Variants in ARK2C observed in about 807,000 individuals in gnomAD.
The protein encoded by ARK2C is E3 ubiquitin-protein ligase ARK2C.
the ARK2C span, chr18:46,337,307 C>T: frequency 4.1e-5 from 40 of 985,168 alleles, no homozygotes; most frequent in African/African-American, 1.0e-4. Context: ...GAATTACTTC[C>T]TGTTCTTATT....
chr18:46,400,343 C>T, the ARK2C span, among the ~76,000 whole-genome samples: 29 of 152,264 alleles, frequency 1.9e-4, no homozygotes, highest in Admixed American at 3.9e-4. Flanking sequence ...CTGTGTTCCC[C>T]GGAACAGGGA....
the ARK2C span, among the ~76,000 whole-genome samples, chr18:46,343,445 T>C: frequency 2.0e-5 from 3 of 152,168 alleles, no homozygotes; most frequent in East Asian, 5.8e-4. Context: ...CATGAAGTAA[T>C]GCATAGGAAA....
chr18:46,341,953 C>T, the ARK2C span, among the ~76,000 whole-genome samples: 6 of 152,230 alleles, frequency 3.9e-5, no homozygotes, highest in South Asian at 4.1e-4. Context: ...GCAGGGGGAA[C>T]GGGAGGGAGC....
chr18:46,433,116 GGGT>G, the ARK2C span: 1 of 1,187,018 alleles, frequency 8.4e-7, no homozygotes, highest in South Asian at 1.6e-5. Flanking sequence ...AGGCTGCCCC[GGGT>G]GGGCACAAGG....
the ARK2C span, among the ~76,000 whole-genome samples, chr18:46,384,479 C>T: frequency 6.6e-6 from 1 of 152,154 alleles, no homozygotes; most frequent in Admixed American, 6.5e-5. Context: ...ACTTTCTTTC[C>T]TCCCCTGAAT....
At chr18:46,425,043 G>A in the ARK2C span, among the ~76,000 whole-genome samples, 2 of 152,216 alleles carry the variant, frequency 1.3e-5, no homozygotes, top group Non-Finnish European at 2.9e-5. Context: ...TGGTGCCTTT[G>A]GAGAGGGAGT....
chr18:46,377,420 C>G, the ARK2C span, among the ~76,000 whole-genome samples: 1 of 152,132 alleles, frequency 6.6e-6, no homozygotes, highest in Non-Finnish European at 1.5e-5. Flanking sequence ...AAAGCAGTAA[C>G]AGCTCCCTAA....
At chr18:46,361,340 A>G in the ARK2C span, among the ~76,000 whole-genome samples, 5 of 152,206 alleles carry the variant, frequency 3.3e-5, no homozygotes, top group African/African-American at 7.2e-5. Flanking sequence ...TTACTTCCAT[A>G]TGTTTATAAT....
the ARK2C span, among the ~76,000 whole-genome samples, chr18:46,352,382 G>A: frequency 6.6e-6 from 1 of 152,334 alleles, no homozygotes; most frequent in East Asian, 1.9e-4. Context: ...ATGTGGACCA[G>A]AGCTCCCAAA....
chr18:46,443,518 A>G, the ARK2C span, among the ~76,000 whole-genome samples: 1 of 152,172 alleles, frequency 6.6e-6, no homozygotes, highest in African/African-American at 2.4e-5. Flanking sequence ...ATACATTGTT[A>G]TCATTTTTGC....
the ARK2C span, among the ~76,000 whole-genome samples, chr18:46,383,456 G>A: frequency 6.6e-6 from 1 of 151,490 alleles, no homozygotes; most frequent in Non-Finnish European, 1.5e-5. Flanking sequence ...TTAGACACAA[G>A]ACTAGTTAAT....
the ARK2C span, chr18:46,337,556 T>G: frequency 1.0e-6 from 1 of 985,412 alleles, no homozygotes; most frequent in Non-Finnish European, 1.2e-6. Context: ...GCCCAGCCTT[T>G]TTTTTTGTAT....
chr18:46,424,059 C>A, the ARK2C span, among the ~76,000 whole-genome samples: 3 of 152,310 alleles, frequency 2.0e-5, no homozygotes, highest in Non-Finnish European at 4.4e-5. Context: ...ACACTCACTT[C>A]GCAACTTTAT....
At chr18:46,407,966 C>A in the ARK2C span, among the ~76,000 whole-genome samples, 1 of 152,174 alleles carries the variant, frequency 6.6e-6, no homozygotes, top group East Asian at 1.9e-4. Flanking sequence ...GGGAAGCCTT[C>A]CTGGGGGAGG....
At chr18:46,390,890 G>A in the ARK2C span, among the ~76,000 whole-genome samples, 1 of 152,162 alleles carries the variant, frequency 6.6e-6, no homozygotes, top group Non-Finnish European at 1.5e-5. Context: ...ATCACTTGAG[G>A]AAGCACTCAG....
the ARK2C span, among the ~76,000 whole-genome samples, chr18:46,395,896 A>G: frequency 1.3e-5 from 2 of 152,208 alleles, no homozygotes; most frequent in African/African-American, 4.8e-5. Flanking sequence ...GGGAAAGCCC[A>G]GTAGTTCTTC....
At chr18:46,400,096 C>T in the ARK2C span, among the ~76,000 whole-genome samples, 9 of 152,206 alleles carry the variant, frequency 5.9e-5, no homozygotes, top group South Asian at 2.1e-4. Flanking sequence ...TCTTACCCAT[C>T]GCTTGGCTTC....
chr18:46,390,315 C>T, the ARK2C span, among the ~76,000 whole-genome samples: 1 of 152,204 alleles, frequency 6.6e-6, no homozygotes, highest in Non-Finnish European at 1.5e-5. Context: ...TCTCCAGACC[C>T]TGTGACTCTT....
At chr18:46,398,060 G>C in the ARK2C span, among the ~76,000 whole-genome samples, 1 of 149,430 alleles carries the variant, frequency 6.7e-6, no homozygotes, top group Non-Finnish European at 1.5e-5. Context: ...CCTGTGGTGT[G>C]TGTGTGTGGT....
Sources: allele counts gnomAD v4.1 joint callset (sites outside exome capture counted in the v4.1 genomes callset), GRCh38; gene constraint gnomAD v4.1.1; transcripts MANE v1.5; gene names NCBI Gene and HGNC (gene_info 2026-07-23, HGNC 2026-07-21).